Variants in MARCHF1 observed in about 807,000 individuals in gnomAD.
MARCHF1 encodes the protein membrane associated ring-CH-type finger 1, also known as E3 ubiquitin-protein ligase MARCHF1.
In MARCHF1, 40 loss-of-function variants were observed where a neutral mutation model predicts 54.2. The observed-to-expected ratio is 0.74, with a 90% CI of 0.57 to 0.96. MARCHF1 has a LOEUF of 0.96. Among genes scored for constraint, MARCHF1 ranks in the 40% least tolerant of loss-of-function variants. MARCHF1 has a pLI of 0.00. For synonymous variants in MARCHF1, 236 were observed against 236.3 expected (o/e 1.00, Z 0.01); for missense variants, 586 against 656.5 (o/e 0.89, Z 1.17).
intron 4 of MARCHF1, among the ~76,000 whole-genome samples, chr4:163,748,479 C>G (rs1051740560): frequency 1.3e-5 from 2 of 151,174 alleles, no homozygotes; most frequent in Non-Finnish European, 2.9e-5. Context: ...TACAGTCATA[C>G]TGGGGATAGC....
intron 1 of MARCHF1, among the ~76,000 whole-genome samples, chr4:164,115,874 A>C (rs1464084578): frequency 6.6e-6 from 1 of 151,742 alleles, no homozygotes; most frequent in Non-Finnish European, 1.5e-5. Context: ...TAGTTCCCAC[A>C]GATATACACA....
At chr4:164,256,592 T>A (rs1733292169) in intron 1 of MARCHF1, among the ~76,000 whole-genome samples, 1 of 152,100 alleles carries the variant, frequency 6.6e-6, no homozygotes, top group African/African-American at 2.4e-5. Context: ...CAAAGTATTA[T>A]CAGTGAAAAG....
At chr4:164,194,810 T>C (rs771828206) in intron 1 of MARCHF1, among the ~76,000 whole-genome samples, 2 of 152,170 alleles carry the variant, frequency 1.3e-5, no homozygotes, top group Non-Finnish European at 2.9e-5. Context: ...ATTTTTCTTA[T>C]ACTTTAAGTT....
intron 3 of MARCHF1, among the ~76,000 whole-genome samples, chr4:163,959,097 T>C (rs2110804885): frequency 6.6e-6 from 1 of 152,050 alleles, no homozygotes; most frequent in African/African-American, 2.4e-5. Flanking sequence ...CAGGTTGATC[T>C]ACCATACACA....
chr4:163,612,127 A>C, intron 7 of MARCHF1, 144 bp downstream of exon 7: 1 of 716,574 alleles, frequency 1.4e-6, no homozygotes, highest in Non-Finnish European at 2.1e-6. Context: ...TTTCATACCC[A>C]CCTTTTCTCC....
chr4:164,005,709 A>G (rs1436159767), intron 2 of MARCHF1, among the ~76,000 whole-genome samples: 1 of 152,178 alleles, frequency 6.6e-6, no homozygotes, highest in Non-Finnish European at 1.5e-5. Context: ...AAGTGGGACT[A>G]CCATCCCCAG....
At chr4:164,377,751 C>T (rs1217651505) in intron 1 of MARCHF1, among the ~76,000 whole-genome samples, 1 of 152,136 alleles carries the variant, frequency 6.6e-6, no homozygotes, top group Non-Finnish European at 1.5e-5. Flanking sequence ...TTCACTGTCA[C>T]AAAGATTTAC....
At chr4:163,821,503 A>G (rs1460376229) in intron 4 of MARCHF1, among the ~76,000 whole-genome samples, 2 of 152,064 alleles carry the variant, frequency 1.3e-5, no homozygotes, top group Admixed American at 6.6e-5. Context: ...TGTGGAAAGT[A>G]AAATCACTAA....
chr4:163,532,549 T>C (rs917602292), intron 9 of MARCHF1, among the ~76,000 whole-genome samples: 5 of 151,954 alleles, frequency 3.3e-5, no homozygotes, highest in Non-Finnish European at 5.9e-5. Flanking sequence ...AATTGGACTT[T>C]ATTAAAACTA....
intron 1 of MARCHF1, among the ~76,000 whole-genome samples, chr4:164,126,830 CG>C (rs1026256179): frequency 7.9e-5 from 12 of 152,140 alleles, no homozygotes; most frequent in African/African-American, 2.9e-4. Flanking sequence ...CCGAGGCAGG[CG>C]CATCACTTGA....
At chr4:163,653,073 G>T (rs1484512888) in intron 5 of MARCHF1, among the ~76,000 whole-genome samples, 3 of 66,290 alleles carry the variant, frequency 4.5e-5, no homozygotes, top group Non-Finnish European at 7.5e-5. Context: ...TAAGGGGATG[G>T]AGTCATTGGT....
At chr4:163,853,353 T>C (rs1011172524) in intron 4 of MARCHF1, among the ~76,000 whole-genome samples, 2 of 152,180 alleles carry the variant, frequency 1.3e-5, no homozygotes, top group Non-Finnish European at 2.9e-5. Context: ...AATGGAATTT[T>C]CCTCCTTTAA....
At position 163,994,467 on chromosome 4, in the gene MARCHF1, C is replaced by T. The variant is rs192173921; in HGVS notation, c.-247-5758G>A. On this transcript the variant is annotated intron_variant, in intron 2 of 9. Transcript: ENST00000514618. ...ATTTCATGAGGAGATATACCTAATG[C>T]TAAATGACAAGTTAATGGGTGCAGC... Among the ~76,000 whole-genome samples, 42 of 151,736 alleles carry T rather than the reference C, an allele frequency of 2.8e-4. 3 individuals carry two copies. In the East Asian group the frequency reaches 5.4e-3, roughly 20 times the overall value.
chr4:163,822,627 G>T (rs953263613), intron 4 of MARCHF1, among the ~76,000 whole-genome samples: 14 of 151,928 alleles, frequency 9.2e-5, no homozygotes, highest in African/African-American at 2.9e-4. Flanking sequence ...GGTGATATTA[G>T]ATGTGCATAT....
At chr4:163,844,392 T>C (rs1309573674) in intron 4 of MARCHF1, among the ~76,000 whole-genome samples, 1 of 152,238 alleles carries the variant, frequency 6.6e-6, no homozygotes, top group African/African-American at 2.4e-5. Flanking sequence ...ATTCTGTTGA[T>C]AGTTTCTTTT....
intron 1 of MARCHF1, among the ~76,000 whole-genome samples, chr4:164,357,759 G>C (rs932648582): frequency 6.6e-6 from 1 of 152,058 alleles, no homozygotes; most frequent in Non-Finnish European, 1.5e-5. Context: ...AGTGTCAATT[G>C]ATAACAACTA....
chr4:164,129,297 AT>A (rs1756251741), intron 1 of MARCHF1, among the ~76,000 whole-genome samples: 1 of 152,134 alleles, frequency 6.6e-6, no homozygotes, highest in Non-Finnish European at 1.5e-5. Flanking sequence ...TATAACTCTA[AT>A]TTATTTTAGA....
chr4:164,017,296 T>C (rs1428474586), intron 2 of MARCHF1, among the ~76,000 whole-genome samples: 1 of 152,044 alleles, frequency 6.6e-6, no homozygotes, highest in East Asian at 1.9e-4. Flanking sequence ...TAATATTGAA[T>C]TAGGGTTCTA....
intron 4 of MARCHF1, among the ~76,000 whole-genome samples, chr4:163,782,476 G>A (rs1579282966): frequency 6.6e-6 from 1 of 151,966 alleles, no homozygotes; most frequent in Non-Finnish European, 1.5e-5. Context: ...TTCAAGACAG[G>A]CCTGGCCAAT....
Sources: allele counts gnomAD v4.1 joint callset (sites outside exome capture counted in the v4.1 genomes callset), GRCh38; gene constraint gnomAD v4.1.1; transcripts MANE v1.5; gene names NCBI Gene and HGNC (gene_info 2026-07-23, HGNC 2026-07-21).